The following CDKL5 variants were observed in gnomAD, a reference collection of about 807,000 sequenced individuals.
CDKL5 encodes the protein cyclin dependent kinase like 5, also known as cyclin-dependent kinase-like 5.
A neutral mutation model predicts 61.7 loss-of-function variants in CDKL5; 8 were observed. The observed-to-expected ratio is 0.13, with a 90% CI of 0.08 to 0.23. The LOEUF is 0.23. CDKL5 is among the 10% of genes least tolerant of loss of function. The probability of loss-of-function intolerance (pLI) is 1.00; values close to 1 mark genes in which losing one functional copy is unlikely to be tolerated. For synonymous variants in CDKL5, 275 were observed against 272.3 expected, an observed-to-expected ratio of 1.01 and a Z score of -0.10; for missense variants, 440 against 734.5, an observed-to-expected ratio of 0.60 and a Z score of 4.63.
intron 1 of CDKL5, among the ~76,000 whole-genome samples, chrX:18,472,301 C>T (rs1056947567): frequency 9.0e-6 from 1 of 111,655 alleles, no homozygotes; most frequent in South Asian, 3.7e-4. Context: ...CATGGCCTTT[C>T]CCTAGTGTAT....
Position 18,625,237 on chromosome X carries a change from T to A in CDKL5, c.2486T>A (p.Leu829Gln). 8.3e-7 allele frequency: 1 copy of A among 1,208,664 alleles called. No individual in the cohort carries two copies. Among genetic ancestry groups the A allele is most frequent in the South Asian group, 1.8e-5 (1 of 56,782 alleles). ...TGGCGCCCCGAGAAGATCTCAGATC[T>A]GCAGACCCAAGTGAGTGGATCCTGC... ...KEWRPEKISD[L>Q]QTQSQPLKSL... The change falls in exon 17 of 18, where the codon CTG becomes CAG. Residue 829 changes from leucine (L) to glutamine (Q), a missense_variant. This residue lies in a region of CDKL5 where 363 missense variants were observed against 516.3 expected (regional missense o/e 0.70). Transcript: ENST00000623535.
At chrX:18,472,934 AGGGTTGG>A (rs1921152149) in intron 1 of CDKL5, among the ~76,000 whole-genome samples, 2 of 105,787 alleles carry the variant, frequency 1.9e-5, no homozygotes, top group African/African-American at 6.9e-5. Context: ...TTTCCTCTCT[AGGGTTGG>A]AGAATCTCTT....
At chrX:18,490,645 A>G (rs1265160751) in intron 1 of CDKL5, among the ~76,000 whole-genome samples, 1 of 111,457 alleles carries the variant, frequency 9.0e-6, no homozygotes, top group Non-Finnish European at 1.9e-5. Context: ...GAAAGAATCT[A>G]TCTTTTCTTT....
intron 4 of CDKL5, among the ~76,000 whole-genome samples, chrX:18,571,274 T>C (rs147935409): frequency 9.0e-6 from 1 of 111,704 alleles, no homozygotes; most frequent in African/African-American, 3.3e-5. Flanking sequence ...ACCTGGGTAC[T>C]GTGACTCACT....
chrX:18,624,991 G>A, intron 16 of CDKL5, 137 bp from the exon 17 acceptor site: 3 of 565,066 alleles, frequency 5.3e-6, no homozygotes, highest in Admixed American at 2.3e-5. Flanking sequence ...GGGAGAGATT[G>A]GGGTTCTATT....
At chrX:18,569,878 A>G (rs987926146) in intron 4 of CDKL5, among the ~76,000 whole-genome samples, 1 of 111,144 alleles carries the variant, frequency 9.0e-6, no homozygotes, top group Non-Finnish European at 1.9e-5. Flanking sequence ...TACATTTAAG[A>G]TGAAACTTAG....
intron 16 of CDKL5, chrX:18,623,911 C>A: frequency 1.3e-6 from 1 of 740,747 alleles, no homozygotes; most frequent in Non-Finnish European, 1.6e-6. Context: ...ATCCAAGCAT[C>A]AAGAAATCCC....
chrX:18,476,212 T>G (rs1340427499), intron 1 of CDKL5, among the ~76,000 whole-genome samples: 3 of 111,415 alleles, frequency 2.7e-5, no homozygotes, highest in African/African-American at 9.8e-5. Context: ...AATGTCCTTC[T>G]TTATCTTTTT....
At chrX:18,588,252 C>T (rs1925708298) in intron 9 of CDKL5, 109 bp downstream of exon 9, 1 of 632,244 alleles carries the variant, frequency 1.6e-6, no homozygotes, top group Admixed American at 2.4e-5. Context: ...TTTCTTTTCC[C>T]ATTACAGTGT....
intron 16 of CDKL5, among the ~76,000 whole-genome samples, chrX:18,623,263 C>T (rs1926943965): frequency 8.9e-6 from 1 of 112,039 alleles, no homozygotes. Context: ...CTTTGAAAAC[C>T]AGTATCTGAA....
At chrX:18,501,696 G>A (rs1050465728) in intron 1 of CDKL5, among the ~76,000 whole-genome samples, 6 of 109,752 alleles carry the variant, frequency 5.5e-5, no homozygotes, top group African/African-American at 1.0e-4. Flanking sequence ...CTACAGGCGC[G>A]CACCACCATA....
At chrX:18,652,132 G>A (rs774753963) in intron 21 of CDKL5, among the ~76,000 whole-genome samples, 1 of 111,105 alleles carries the variant, frequency 9.0e-6, no homozygotes. Context: ...TGAGCAGAAT[G>A]CCCACAGGTG....
intron 4 of CDKL5, among the ~76,000 whole-genome samples, chrX:18,573,550 T>C (rs761882377): frequency 8.9e-6 from 1 of 112,294 alleles, no homozygotes; most frequent in South Asian, 3.7e-4. Flanking sequence ...CCCGATTGCA[T>C]CTCAGACATT....
At chrX:18,446,673 G>A (rs148156576) in intron 1 of CDKL5, among the ~76,000 whole-genome samples, 387 of 111,753 alleles carry the variant, frequency 3.5e-3, no homozygotes, top group African/African-American at 0.012. Flanking sequence ...AAGGGAGTAT[G>A]CTGTTTTCCA....
At chrX:18,515,936 G>A (rs1922996324) in intron 3 of CDKL5, among the ~76,000 whole-genome samples, 1 of 110,267 alleles carries the variant, frequency 9.1e-6, no homozygotes, top group Admixed American at 9.7e-5. Flanking sequence ...TGAGATAGGA[G>A]CCTTCTCTTC....
intron 1 of CDKL5, among the ~76,000 whole-genome samples, chrX:18,484,964 GCC>G (rs1921736702): frequency 9.1e-6 from 1 of 110,447 alleles, no homozygotes; most frequent in South Asian, 3.9e-4. Context: ...TCGCCATGTT[GCC>G]CATAATAAAT....
At chrX:18,595,481 T>A in intron 10 of CDKL5, 53 bp downstream of exon 10, 1 of 820,340 alleles carries the variant, frequency 1.2e-6, no homozygotes, top group Non-Finnish European at 1.9e-6. Flanking sequence ...TGTGGATTCT[T>A]TTGTGTCTAC....
At chrX:18,476,236 T>TG (rs1220859013) in intron 1 of CDKL5, among the ~76,000 whole-genome samples, 1 of 111,192 alleles carries the variant, frequency 9.0e-6, no homozygotes, top group Non-Finnish European at 1.9e-5. Flanking sequence ...ATTTTTGAGA[T>TG]GGGGGGTTTC....
At chrX:18,606,174 T>TCTCACA (rs1460888732) in intron 12 of CDKL5, among the ~76,000 whole-genome samples, 3 of 96,873 alleles carry the variant, frequency 3.1e-5, no homozygotes, top group Non-Finnish European at 6.3e-5. Context: ...AGCAAGACTG[T>TCTCACA]CACACACACA....
Sources: allele counts gnomAD v4.1 joint callset (sites outside exome capture counted in the v4.1 genomes callset), GRCh38; gene constraint gnomAD v4.1.1; regional missense constraint gnomAD v4.1.1; transcripts MANE v1.5; gene names NCBI Gene and HGNC (gene_info 2026-07-23, HGNC 2026-07-21).